Variants in MACROD2 observed in about 807,000 individuals in gnomAD.
The protein encoded by MACROD2 is ADP-ribose glycohydrolase MACROD2.
In MACROD2, 36 loss-of-function variants were observed where a neutral mutation model predicts 70.4. That is an observed-to-expected ratio of 0.51 (90% CI 0.39 to 0.68). MACROD2 has a LOEUF of 0.68. Among genes scored for constraint, MACROD2 ranks in the 30% least tolerant of loss-of-function variants. MACROD2 has a pLI of 0.00. For synonymous variants in MACROD2, 172 were observed against 178.8 expected (o/e 0.96, Z 0.30); for missense variants, 496 against 538.4 (o/e 0.92, Z 0.78).
intron 2 of MACROD2, among the ~76,000 whole-genome samples, chr20:14,034,304 G>A (rs1052191932): frequency 1.3e-5 from 2 of 152,130 alleles, no homozygotes; most frequent in African/African-American, 4.8e-5. Context: ...AGGCTTCATT[G>A]TCTGTCATTG....
chr20:15,772,647 C>T (rs1184713590), intron 8 of MACROD2, among the ~76,000 whole-genome samples: 2 of 151,934 alleles, frequency 1.3e-5, no homozygotes, highest in Non-Finnish European at 2.9e-5. Flanking sequence ...CTCAGGAAAC[C>T]CACAATCATG....
chr20:15,675,344 A>C (rs1047423700), intron 8 of MACROD2, among the ~76,000 whole-genome samples: 2 of 152,162 alleles, frequency 1.3e-5, no homozygotes, highest in Non-Finnish European at 2.9e-5. Context: ...TAACCTCAGT[A>C]CTCACCCTCC....
At chr20:14,453,117 G>T (rs543216090) in intron 3 of MACROD2, among the ~76,000 whole-genome samples, 27 of 152,242 alleles carry the variant, frequency 1.8e-4, no homozygotes, top group African/African-American at 6.5e-4. Flanking sequence ...TCTAACATGA[G>T]AATCAGGACT....
intron 4 of MACROD2, among the ~76,000 whole-genome samples, chr20:14,496,315 AG>A (rs1282697669): frequency 8.5e-5 from 13 of 152,218 alleles, no homozygotes; most frequent in African/African-American, 3.1e-4. Flanking sequence ...ATGGGACCTA[AG>A]TCCCCTTCTT....
intron 4 of MACROD2, among the ~76,000 whole-genome samples, chr20:14,648,191 A>G (rs1465466925): frequency 6.6e-6 from 1 of 152,180 alleles, no homozygotes; most frequent in East Asian, 1.9e-4. Context: ...TGTGATGTTT[A>G]TTGGAACAAA....
Position 14,862,606 on chromosome 20 carries a change from AATAT to A in MACROD2, c.418+177653_418+177656del, listed in dbSNP as rs1568841294. On this transcript the variant is annotated intron_variant, in intron 5 of 17. Transcript: ENST00000684519. ...ATGTATAAATATATATATAAATATA[AATAT>A]ATATAAATATATATATATAAATATA... Among the ~76,000 whole-genome samples, 7 of 27,186 alleles carry A rather than the reference AATAT, an allele frequency of 2.6e-4. 1 individual carries two copies. Among genetic ancestry groups the A allele is most frequent in the Non-Finnish European group, 3.2e-4 (5 of 15,632 alleles). The allele number at this position is 27,186 out of a possible 152,430, so 17.8% of individuals were successfully genotyped here. A position where few individuals can be genotyped will look rare whatever the true frequency, so the allele number is the denominator to read the frequency against.
chr20:14,413,708 G>A (rs1025668112), intron 3 of MACROD2, among the ~76,000 whole-genome samples: 2 of 152,098 alleles, frequency 1.3e-5, no homozygotes, highest in African/African-American at 4.8e-5. Flanking sequence ...AAATCAATAT[G>A]GTGTAGAGTT....
intron 3 of MACROD2, among the ~76,000 whole-genome samples, chr20:14,146,325 A>G (rs2054942804): frequency 6.6e-6 from 1 of 152,158 alleles, no homozygotes. Context: ...GCCTCAGGAA[A>G]AAAAAAACAA....
chr20:15,723,473 G>A (rs114464929), intron 8 of MACROD2, among the ~76,000 whole-genome samples: 3 of 152,044 alleles, frequency 2.0e-5, no homozygotes, highest in East Asian at 1.9e-4. Flanking sequence ...ACTGACGATC[G>A]CTGATCTTTA....
At chr20:14,462,850 T>G (rs369858246) in intron 3 of MACROD2, among the ~76,000 whole-genome samples, 1 of 152,188 alleles carries the variant, frequency 6.6e-6, no homozygotes. Context: ...GTTGTAGATA[T>G]GCGGCATTAT....
intron 13 of MACROD2, among the ~76,000 whole-genome samples, chr20:15,977,656 A>C (rs1273992382): frequency 6.6e-6 from 1 of 152,226 alleles, no homozygotes; most frequent in Non-Finnish European, 1.5e-5. Flanking sequence ...AAATATGAAT[A>C]AAACAAAATT....
intron 6 of MACROD2, among the ~76,000 whole-genome samples, chr20:15,300,182 C>A (rs1009105646): frequency 2.0e-5 from 3 of 151,884 alleles, no homozygotes. Flanking sequence ...AGCTTAAGAC[C>A]TTGGCTTTGC....
At chr20:14,686,103 A>T (rs1389334813) in intron 5 of MACROD2, among the ~76,000 whole-genome samples, 1 of 152,202 alleles carries the variant, frequency 6.6e-6, no homozygotes. Context: ...ACTTTCATGT[A>T]CTGCATAGCG....
rs565469692 is a variant in MACROD2 at position 15,547,481 on chromosome 20, A to G, written c.645+47634A>G. ...ATGAGGGATCATGTCTCTAAGCCAT[A>G]TGTTGTAACTGGAAGACTAGCCCAG... is the stretch of plus-strand genomic sequence containing the variant. On this transcript the variant is annotated intron_variant, in intron 8 of 17. Coordinates refer to ENST00000684519, the MANE Select transcript of MACROD2 (RefSeq NM_001351661.2). Among the ~76,000 whole-genome samples the G allele has an allele frequency of 9.9e-5, 15 of 152,266 alleles. No homozygotes were observed. The South Asian group carries it at 2.1e-3, about 21-fold the overall frequency.
At chr20:14,046,258 G>A (rs1334127421) in intron 2 of MACROD2, among the ~76,000 whole-genome samples, 1 of 152,156 alleles carries the variant, frequency 6.6e-6, no homozygotes. Context: ...CTATAACAAT[G>A]AATGGTAGAG....
intron 8 of MACROD2, among the ~76,000 whole-genome samples, chr20:15,779,268 G>A (rs1241840656): frequency 6.6e-6 from 1 of 152,102 alleles, no homozygotes; most frequent in African/African-American, 2.4e-5. Context: ...ATGTGCATTA[G>A]ATCACAGAAC....
chr20:14,472,091 T>C (rs2084537616), intron 3 of MACROD2, among the ~76,000 whole-genome samples: 1 of 152,170 alleles, frequency 6.6e-6, no homozygotes, highest in Admixed American at 6.5e-5. Flanking sequence ...TCAACAAATT[T>C]TAAGTTTCTG....
chr20:15,270,678 T>C (rs2077338522), intron 6 of MACROD2, among the ~76,000 whole-genome samples: 3 of 152,210 alleles, frequency 2.0e-5, no homozygotes, highest in Admixed American at 2.0e-4. Flanking sequence ...TTAGAGCTTC[T>C]TAGCTGCCTC....
chr20:14,772,171 C>T (rs2072177166), intron 5 of MACROD2, among the ~76,000 whole-genome samples: 1 of 151,964 alleles, frequency 6.6e-6, no homozygotes, highest in African/African-American at 2.4e-5. Flanking sequence ...ATGTACTTTT[C>T]CCCCTCTACC....
Sources: allele counts gnomAD v4.1 joint callset (sites outside exome capture counted in the v4.1 genomes callset), GRCh38; gene constraint gnomAD v4.1.1; transcripts MANE v1.5; gene names NCBI Gene and HGNC (gene_info 2026-07-23, HGNC 2026-07-21).